Variants in GCC2 observed in about 807,000 individuals in gnomAD.
GCC2 encodes GRIP and coiled-coil domain containing 2.
A neutral mutation model predicts 210.6 loss-of-function variants in GCC2; 120 were observed. That is an observed-to-expected ratio of 0.57 (90% confidence interval 0.49 to 0.66). The LOEUF is 0.66. Ranked by LOEUF, GCC2 falls within the 30% of genes least tolerant of loss-of-function variation. The probability of loss-of-function intolerance (pLI) is 0.00; values close to 1 mark genes in which losing one functional copy is unlikely to be tolerated. For missense variants in GCC2, 1,868 were observed against 1,871.9 expected (o/e 1.00, Z 0.04); for synonymous variants, 703 against 652.7 (o/e 1.08, Z -1.17).
In GCC2 at chr2:108,495,492, T is replaced by C. The variant is rs568353788; in HGVS notation, c.4642+7T>C. On this transcript the variant is annotated splice_region_variant and intron_variant, in intron 20 of 22. Transcript: ENST00000309863. The stretch of plus-strand genomic sequence containing the variant: ...TCTCCCGAAACTAAACTTGGTATGT[T>C]ACTCTGTCTAAATATGTTTTTCTTA... The C allele has an allele frequency of 6.4e-7, 1 of 1,561,642 alleles. No homozygotes were observed. Among genetic ancestry groups the C allele is most frequent in the South Asian group, 1.1e-5 (1 of 89,322 alleles).
intron 22 of GCC2, among the ~76,000 whole-genome samples, chr2:108,504,581 TTC>T (rs1683092970): frequency 6.6e-6 from 1 of 152,196 alleles, no homozygotes; most frequent in Admixed American, 6.5e-5. Flanking sequence ...CAAATGTTAA[TTC>T]ACCTTGCCCC....
intron 4 of GCC2, among the ~76,000 whole-genome samples, chr2:108,462,920 A>G (rs1573356616): frequency 6.6e-6 from 1 of 151,652 alleles, no homozygotes; most frequent in Non-Finnish European, 1.5e-5. Context: ...ACTATATCAG[A>G]AAAAAAAGAC....
intron 3 of GCC2, 115 bp downstream of exon 3, chr2:108,451,227 A>C (rs1679927474): frequency 7.7e-6 from 5 of 649,440 alleles, no homozygotes; most frequent in South Asian, 5.8e-5. Context: ...GATTCCAAGT[A>C]CACCTTAGTG....
intron 22 of GCC2, among the ~76,000 whole-genome samples, chr2:108,504,119 C>G (rs7565947): frequency 3.3e-5 from 5 of 151,654 alleles, no homozygotes; most frequent in African/African-American, 1.2e-4. Context: ...AAAACCCCAT[C>G]TTTAAAAAAA....
intron 4 of GCC2, among the ~76,000 whole-genome samples, chr2:108,465,702 A>T (rs192427901): frequency 6.6e-6 from 1 of 152,296 alleles, no homozygotes; most frequent in South Asian, 2.1e-4. Flanking sequence ...GTAGTATTCT[A>T]TAAGTCATTT....
chr2:108,504,947 C>G (rs1385987544), intron 22 of GCC2, among the ~76,000 whole-genome samples: 4 of 152,128 alleles, frequency 2.6e-5, no homozygotes, highest in Non-Finnish European at 5.9e-5. Flanking sequence ...TCCAGACTGG[C>G]AGGCAGAGAA....
At chr2:108,487,572 C>G (rs987473614) in intron 16 of GCC2, 127 bp from the exon 17 acceptor site, 2 of 898,820 alleles carry the variant, frequency 2.2e-6, no homozygotes, top group Middle Eastern at 3.3e-4. Flanking sequence ...ATCAAGAAAC[C>G]AAAAAGAATG....
At position 108,471,531 on chromosome 2, in the gene GCC2, G is replaced by A; in HGVS notation, c.2202G>A (p.Met734Ile). 1.9e-6 allele frequency: 3 copies of A among 1,604,940 alleles called. No homozygotes were observed. Among genetic ancestry groups the A allele is most frequent in the Non-Finnish European group, 2.6e-6 (3 of 1,176,326 alleles). ...AATTAGAAAAGAAACTTCAGTTAAT[G>A]GTTGAAGAGCAAGATAATTTAAATA... ...ITQLEKKLQL[M>I]VEEQDNLNKL... Residue 734 changes from methionine to isoleucine, a missense_variant, in exon 6 of 23, where the codon ATG becomes ATA. Physicochemically the swap from Met to Ile is conservative, Grantham distance 10. Coordinates refer to ENST00000309863, the MANE Select transcript of GCC2 (RefSeq NM_181453.4).
chr2:108,458,205 A>G (rs986659381), intron 4 of GCC2, among the ~76,000 whole-genome samples: 2 of 151,634 alleles, frequency 1.3e-5, no homozygotes, highest in African/African-American at 4.8e-5. Flanking sequence ...TATTCTGTTG[A>G]TGTGATATGT....
intron 13 of GCC2, 65 bp from the exon 14 acceptor site, chr2:108,485,571 G>A (rs972401755): frequency 1.2e-6 from 1 of 808,984 alleles, no homozygotes; most frequent in African/African-American, 1.7e-5. Flanking sequence ...AGACATATTT[G>A]TGTATTTAAA....
At chr2:108,474,516 G>T (rs1388546809) in intron 7 of GCC2, among the ~76,000 whole-genome samples, 2 of 152,338 alleles carry the variant, frequency 1.3e-5, no homozygotes, top group Admixed American at 6.5e-5. Flanking sequence ...AGAAAAAAAT[G>T]GGGGAGGCAA....
Position 108,487,790 on chromosome 2 carries a change from A to C in GCC2, c.4022A>C (p.Gln1341Pro). ...LKQQKNKSMS[Q>P]AETEGAKQER... ...CAACAGAAAAATAAATCTATGTCTC[A>C]GGCTGAAACTGAGGGCGCTAAACAA... Residue 1341 changes from glutamine (Q) to proline (P), a missense_variant, in exon 17 of 23, where the codon CAG becomes CCG. This residue lies in a region of GCC2 where 1,847 missense variants were observed against 1,765.2 expected (regional missense o/e 1.05). Coordinates refer to ENST00000309863, the MANE Select transcript of GCC2 (RefSeq NM_181453.4). 6.2e-7 allele frequency: 1 copy of C among 1,613,428 alleles called. No individual in the cohort carries two copies.
At chr2:108,452,577 G>A (rs1387387897) in intron 4 of GCC2, 111 bp downstream of exon 4, 3 of 713,480 alleles carry the variant, frequency 4.2e-6, no homozygotes, top group East Asian at 2.5e-5. Flanking sequence ...TCTCTGCCTT[G>A]GTTGTTTTTA....
intron 4 of GCC2, among the ~76,000 whole-genome samples, chr2:108,464,286 C>T (rs569459157): frequency 6.6e-5 from 10 of 152,304 alleles, no homozygotes; most frequent in African/African-American, 1.4e-4. Flanking sequence ...CCTCAGGGTT[C>T]ATGAGAATGC....
chr2:108,468,105 A>G (rs1558737032), intron 4 of GCC2, among the ~76,000 whole-genome samples: 1 of 151,238 alleles, frequency 6.6e-6, no homozygotes. Flanking sequence ...TCTGTCACCC[A>G]GGCTGGAGTA....
Position 108,452,798 on chromosome 2 carries a change from GTT to G in GCC2, c.216+333_216+334del, listed in dbSNP as rs1680021765. Among the ~76,000 whole-genome samples the G allele has an allele frequency of 2.0e-5, 3 of 148,152 alleles. No homozygotes were observed. The East Asian group carries it at 6.1e-4, about 30-fold the overall frequency. ...AACCTCTGCCTCCCGAGTTCAAGCA[GTT>G]CTCCTGCCTCAGCCTTCCAAATAGC... is the stretch of plus-strand genomic sequence containing the variant. On this transcript the variant is annotated intron_variant, in intron 4 of 22. Transcript: ENST00000309863.
intron 22 of GCC2, among the ~76,000 whole-genome samples, chr2:108,500,926 C>G (rs1376972000): frequency 6.6e-6 from 1 of 152,088 alleles, no homozygotes; most frequent in African/African-American, 2.4e-5. Context: ...TTGTGAATGT[C>G]TTTTTATAGT....
rs1401062050 is a variant in GCC2 at position 108,495,276 on chromosome 2, A to C, written c.4448-15A>C. The C allele has an allele frequency of 6.4e-7, 1 of 1,558,202 alleles. No homozygotes were observed. Among genetic ancestry groups the C allele is most frequent in the Non-Finnish European group, 8.7e-7 (1 of 1,151,798 alleles). ...TGAACAATCTCACACTTAACCTTTTAAAAAAATCTAATAGGCCCAGTTTCC... is the reference window on the plus strand; with the variant it reads ...TGAACAATCTCACACTTAACCTTTTCAAAAAATCTAATAGGCCCAGTTTCC... On this transcript the variant is annotated splice_polypyrimidine_tract_variant and intron_variant, in intron 19 of 22. Coordinates refer to ENST00000309863, the MANE Select transcript of GCC2 (RefSeq NM_181453.4).
At chr2:108,501,227 T>C (rs1682912910) in intron 22 of GCC2, among the ~76,000 whole-genome samples, 2 of 152,028 alleles carry the variant, frequency 1.3e-5, no homozygotes, top group South Asian at 2.1e-4. Context: ...CCTTGTGATC[T>C]GCCCGCCTTG....
Sources: gnomAD v4.1 joint callset for allele counts (sites outside exome capture counted in the v4.1 genomes callset) on GRCh38, gnomAD v4.1.1 for gene constraint, gnomAD v4.1.1 regional missense constraint, MANE v1.5 for transcripts, NCBI Gene and HGNC (gene_info 2026-07-23, HGNC 2026-07-21) for gene names.